Variants in SLC10A7 observed in about 807,000 individuals in gnomAD.
The protein encoded by SLC10A7 is solute carrier family 10 member 7, also known as sodium/bile acid cotransporter 7.
In SLC10A7, 29 loss-of-function variants were observed where a neutral mutation model predicts 43.2. The observed-to-expected ratio is 0.67, with a 90% confidence interval of 0.50 to 0.92. The LOEUF (loss-of-function observed/expected upper bound fraction) is 0.92, where lower values mean the gene tolerates loss of function less well. SLC10A7 is among the 40% of genes least tolerant of loss of function. SLC10A7 has a pLI of 0.00. For synonymous variants in SLC10A7, 152 were observed against 144.8 expected (o/e 1.05, Z -0.35); for missense variants, 295 against 403.2 (o/e 0.73, Z 2.30).
chr4:146,495,133 C>A (rs1454297101), intron 4 of SLC10A7, among the ~76,000 whole-genome samples: 1 of 152,154 alleles, frequency 6.6e-6, no homozygotes, highest in African/African-American at 2.4e-5. Context: ...AGAAAGCACA[C>A]CAGTCTGGAG....
chr4:146,308,967 C>T (rs535191433), intron 6 of SLC10A7, among the ~76,000 whole-genome samples: 1 of 152,210 alleles, frequency 6.6e-6, no homozygotes, highest in South Asian at 2.1e-4. Context: ...CTTGACACTG[C>T]GGATACAACT....
intron 4 of SLC10A7, among the ~76,000 whole-genome samples, chr4:146,481,254 T>C (rs183666059): frequency 8.9e-4 from 136 of 152,234 alleles, no homozygotes; most frequent in African/African-American, 3.1e-3. Flanking sequence ...CCAGTCCAAA[T>C]AGGCACAGTG....
intron 5 of SLC10A7, among the ~76,000 whole-genome samples, chr4:146,333,325 C>T (rs1259180823): frequency 6.6e-6 from 1 of 152,088 alleles, no homozygotes; most frequent in Non-Finnish European, 1.5e-5. Flanking sequence ...GACTACCATG[C>T]CAGACCCTAT....
At chr4:146,507,039 A>C (rs1287423567) in intron 3 of SLC10A7, among the ~76,000 whole-genome samples, 1 of 152,210 alleles carries the variant, frequency 6.6e-6, no homozygotes, top group Non-Finnish European at 1.5e-5. Flanking sequence ...TCATTACCAC[A>C]ATCAAACTAA....
intron 10 of SLC10A7, among the ~76,000 whole-genome samples, chr4:146,276,568 C>G (rs1453136155): frequency 1.3e-5 from 2 of 152,054 alleles, no homozygotes; most frequent in African/African-American, 4.8e-5. Flanking sequence ...AAATAATAAT[C>G]TAAATAAAAG....
intron 5 of SLC10A7, among the ~76,000 whole-genome samples, chr4:146,339,474 C>T (rs1455510154): frequency 2.6e-5 from 4 of 151,950 alleles, no homozygotes; most frequent in African/African-American, 7.2e-5. Flanking sequence ...AGAAAACCAG[C>T]TCTGAACTTT....
chr4:146,498,050 A>G (rs1736052134), intron 4 of SLC10A7, among the ~76,000 whole-genome samples: 2 of 152,116 alleles, frequency 1.3e-5, no homozygotes, highest in Admixed American at 6.5e-5. Context: ...AGAATAAAAT[A>G]TAAAACATTC....
At chr4:146,456,744 G>A (rs139868325) in intron 4 of SLC10A7, among the ~76,000 whole-genome samples, 18 of 151,902 alleles carry the variant, frequency 1.2e-4, no homozygotes, top group South Asian at 4.2e-4. Context: ...ATTAAATCAC[G>A]GATCACATGA....
At chr4:146,299,723 T>C (rs1347116819) in intron 7 of SLC10A7, among the ~76,000 whole-genome samples, 2 of 151,084 alleles carry the variant, frequency 1.3e-5, no homozygotes, top group Non-Finnish European at 3.0e-5. Flanking sequence ...CTTTGAAGAG[T>C]AGAAAAAGAA....
At chr4:146,424,710 C>T (rs1729210155) in intron 5 of SLC10A7, among the ~76,000 whole-genome samples, 1 of 151,718 alleles carries the variant, frequency 6.6e-6, no homozygotes, top group Admixed American at 6.6e-5. Context: ...CAGAAGAAAC[C>T]ATGAGTTAAA....
At chr4:146,303,737 C>A (rs1350434674) in intron 7 of SLC10A7, among the ~76,000 whole-genome samples, 1 of 151,932 alleles carries the variant, frequency 6.6e-6, no homozygotes, top group Admixed American at 6.6e-5. Context: ...TTAGTATTTG[C>A]AGGGAATTTG....
At chr4:146,440,394 G>C (rs1730508690) in intron 5 of SLC10A7, among the ~76,000 whole-genome samples, 1 of 151,678 alleles carries the variant, frequency 6.6e-6, no homozygotes, top group Non-Finnish European at 1.5e-5. Context: ...GTTCTGGCTG[G>C]GGCTCCAGCA....
intron 2 of SLC10A7, among the ~76,000 whole-genome samples, chr4:146,510,680 G>C (rs1269362983): frequency 2.0e-5 from 3 of 152,044 alleles, no homozygotes. Context: ...CTATAGATTT[G>C]GGGATTGTTG....
chr4:146,294,065 C>G lies in SLC10A7; in HGVS notation c.586G>C (p.Glu196Gln), dbSNP rs772663984. 1.2e-6 allele frequency: 2 copies of G among 1,610,712 alleles called. No individual in the cohort carries two copies. Among genetic ancestry groups the G allele is most frequent in the Admixed American group, 1.7e-5 (1 of 59,850 alleles). Residue 196 changes from glutamate to glutamine, a missense_variant, in exon 8 of 12, where the codon GAG (glutamate) becomes CAG (glutamine). Around this residue, in one of 2 missense-constraint regions of SLC10A7, gnomAD observed 242 missense variants for 362.5 expected, o/e 0.67. Coordinates refer to ENST00000335472, the MANE Select transcript of SLC10A7 (RefSeq NM_001029998.6). Reference protein sequence around the residue: ...IVRRYIKDWLERKKPPFGAIS... With the variant: ...IVRRYIKDWLQRKKPPFGAIS... ...GCACCAAAAGGAGGCTTCTTTCTCT[C>G]AAGCCAATCCTTGATGTATCTTCGG...
intron 4 of SLC10A7, among the ~76,000 whole-genome samples, chr4:146,494,173 G>A (rs1735692142): frequency 6.6e-6 from 1 of 152,212 alleles, no homozygotes; most frequent in African/African-American, 2.4e-5. Context: ...CCTATGAAAT[G>A]AGAATGCAAA....
At chr4:146,307,119 A>C (rs1731633250) in intron 6 of SLC10A7, among the ~76,000 whole-genome samples, 1 of 152,162 alleles carries the variant, frequency 6.6e-6, no homozygotes, top group Admixed American at 6.6e-5. Context: ...TTTCTGCATG[A>C]ATGGTTTACA....
At chr4:146,289,470 T>A (rs942901854) in intron 9 of SLC10A7, among the ~76,000 whole-genome samples, 1 of 152,136 alleles carries the variant, frequency 6.6e-6, no homozygotes, top group Admixed American at 6.5e-5. Flanking sequence ...TAACTTTTTA[T>A]ATATTTTTAA....
intron 9 of SLC10A7, among the ~76,000 whole-genome samples, chr4:146,291,292 T>A (rs1022523464): frequency 6.6e-6 from 1 of 152,226 alleles, no homozygotes; most frequent in African/African-American, 2.4e-5. Context: ...TAAGTCACAT[T>A]TTCTCTGTGA....
At chr4:146,468,370 T>C in intron 4 of SLC10A7, among the ~76,000 whole-genome samples, 1 of 152,032 alleles carries the variant, frequency 6.6e-6, no homozygotes, top group Non-Finnish European at 1.5e-5. Context: ...TTTGAAAACA[T>C]AGAGACAAAT....
Sources: gnomAD v4.1 joint callset for allele counts (sites outside exome capture counted in the v4.1 genomes callset) on GRCh38, gnomAD v4.1.1 for gene constraint, gnomAD v4.1.1 regional missense constraint, MANE v1.5 for transcripts, NCBI Gene and HGNC (gene_info 2026-07-23, HGNC 2026-07-21) for gene names.